NAP1L4: variants seen among roughly 807,000 people sequenced by gnomAD.
The protein encoded by NAP1L4 is nucleosome assembly protein 1-like 4.
In NAP1L4, 15 loss-of-function variants were observed where a neutral mutation model predicts 58.2. The ratio of observed to expected loss-of-function variants is 0.26; its 90% confidence interval spans 0.17 to 0.40. The LOEUF (loss-of-function observed/expected upper bound fraction) is 0.40, where lower values mean the gene tolerates loss of function less well. NAP1L4 is among the 10% of genes least tolerant of loss of function. NAP1L4 has a pLI of 1.00. For missense variants in NAP1L4, 384 were observed against 451.1 expected (o/e 0.85, Z 1.35); for synonymous variants, 171 against 155.6 (o/e 1.10, Z -0.74).
chr11:2,987,239 A>G (rs1394052528), intron 1 of NAP1L4, among the ~76,000 whole-genome samples: 1 of 151,512 alleles, frequency 6.6e-6, no homozygotes, highest in South Asian at 2.1e-4. Context: ...TATCATTACC[A>G]CTCTCCAGGA....
intron 4 of NAP1L4, among the ~76,000 whole-genome samples, chr11:2,973,000 A>G (rs538234107): frequency 1.3e-5 from 2 of 152,338 alleles, no homozygotes; most frequent in South Asian, 4.1e-4. Context: ...ATTTATCCTA[A>G]TCAAGTATTT....
chr11:2,963,098 C>CAAAAAAAAAAAAAAAAAA (rs55650724), intron 8 of NAP1L4, among the ~76,000 whole-genome samples: 2 of 97,086 alleles, frequency 2.1e-5, no homozygotes, highest in Non-Finnish European at 4.0e-5. Context: ...GACTCGGTCT[C>CAAAAAAAAAAAAAAAAAA]AAAAAAAAAA....
At position 2,945,527 on chromosome 11, in the gene NAP1L4, T is replaced by C; in HGVS notation, c.*152A>G. 5 of 1,234,166 alleles carry C rather than the reference T, an allele frequency of 4.1e-6. No individual in the cohort carries two copies. Among genetic ancestry groups the C allele is most frequent in the Non-Finnish European group, 5.7e-6 (5 of 882,340 alleles). The allele number at this position is 1,234,166 out of a possible 1,614,324, so 76.5% of individuals were successfully genotyped here. On this transcript the variant is annotated 3_prime_UTR_variant, in exon 16 of 16. Transcript: ENST00000380542. ...GATGGAGTAAGCTCTGTCCACGGGATTGTGCTGCGGCAAGGACCGAGGCCC... is the reference window on the plus strand; with the variant it reads ...GATGGAGTAAGCTCTGTCCACGGGACTGTGCTGCGGCAAGGACCGAGGCCC...
intron 1 of NAP1L4, among the ~76,000 whole-genome samples, chr11:2,986,873 C>T (rs965680390): frequency 1.1e-4 from 16 of 151,612 alleles, no homozygotes; most frequent in African/African-American, 3.6e-4. Context: ...AGGTGATCCA[C>T]CTGCCTCAAC....
chr11:2,984,294 C>G (rs1056856407), intron 1 of NAP1L4, among the ~76,000 whole-genome samples: 1 of 152,002 alleles, frequency 6.6e-6, no homozygotes, highest in African/African-American at 2.4e-5. Flanking sequence ...TAACAAAGGC[C>G]AGGTGTGGTG....
At chr11:2,985,497 A>C (rs1028507824) in intron 1 of NAP1L4, among the ~76,000 whole-genome samples, 5 of 152,238 alleles carry the variant, frequency 3.3e-5, no homozygotes, top group Non-Finnish European at 7.3e-5. Context: ...AAAGGCAATC[A>C]AGGGATCTAT....
chr11:2,958,610 A>C, intron 9 of NAP1L4, 66 bp from the exon 10 acceptor site: 22 of 1,532,804 alleles, frequency 1.4e-5, no homozygotes, highest in Non-Finnish European at 1.9e-5. Flanking sequence ...AAATGCATGC[A>C]GGAAGCAAAC....
At chr11:2,990,228 T>C (rs1047377029) in intron 1 of NAP1L4, 1 of 152,122 alleles carries the variant, frequency 6.6e-6, no homozygotes, top group Admixed American at 6.5e-5. Context: ...GGATATGTAA[T>C]AACAGCTATT....
chr11:2,964,893 AG>A, intron 7 of NAP1L4, 142 bp from the exon 8 acceptor site: 2 of 654,698 alleles, frequency 3.1e-6, no homozygotes, highest in Non-Finnish European at 5.3e-6. Flanking sequence ...AATAACTACC[AG>A]GAAGAAACCC....
chr11:2,955,088 A>AC lies in NAP1L4; in HGVS notation c.916-443_916-442insG, dbSNP rs1186546983. On this transcript the variant is annotated intron_variant, in intron 11 of 15. Transcript: ENST00000380542. The surrounding 1 kb of genome is among the most constrained non-coding windows in gnomAD (Gnocchi z 4.2). ...TTTTTTTTTTAAGAGACAGGGTCTT[A>AC]TTCTATCACCCAGGTTGGAGGGCAG... is the stretch of plus-strand genomic sequence containing the variant. Among the ~76,000 whole-genome samples the AC allele has an allele frequency of 1.3e-5, 2 of 151,946 alleles. No homozygotes were observed. Among genetic ancestry groups the AC allele is most frequent in the Non-Finnish European group, 2.9e-5 (2 of 67,978 alleles).
intron 10 of NAP1L4, among the ~76,000 whole-genome samples, chr11:2,956,087 C>A (rs1328865236): frequency 1.3e-5 from 2 of 152,222 alleles, no homozygotes; most frequent in African/African-American, 4.8e-5. Flanking sequence ...AGCCCCCAGG[C>A]TGTGGCCATT....
Position 2,969,884 on chromosome 11 carries a change from A to G in NAP1L4, c.453T>C (p.Ala151=). 1 of 1,613,914 alleles carries G rather than the reference A, an allele frequency of 6.2e-7. No individual in the cohort carries two copies. Among genetic ancestry groups the G allele is most frequent in the Non-Finnish European group, 8.5e-7 (1 of 1,179,840 alleles). Residue 151 remains alanine, a synonymous_variant, in exon 7 of 16, where the codon GCT becomes GCC. Coordinates refer to ENST00000380542, the MANE Select transcript of NAP1L4 (RefSeq NM_005969.4). ...VVVTEKAAAT[A]EEPDPKGIPE... is the part of the protein sequence containing the mutation. ...GAATTCCTTTGGGATCTGGCTCTTC[A>G]GCCGTTGCCGCTGCTTTTTCTGTGA... is the stretch of plus-strand genomic sequence containing the variant.
chr11:2,967,503 C>T (rs548097015), intron 7 of NAP1L4, among the ~76,000 whole-genome samples: 39 of 151,248 alleles, frequency 2.6e-4, no homozygotes, highest in Non-Finnish European at 5.4e-4. Context: ...CCCAGCTACT[C>T]GGGAGGCTGA....
chr11:2,958,176 T>G, intron 10 of NAP1L4: 1 of 687,958 alleles, frequency 1.5e-6, no homozygotes, highest in South Asian at 1.5e-5. Context: ...TTCCCTTTCC[T>G]GCAGAAGATG....
chr11:2,963,692 A>C, intron 8 of NAP1L4: 1 of 509,672 alleles, frequency 2.0e-6, no homozygotes, highest in South Asian at 1.4e-5. Flanking sequence ...GGGAGGAAGG[A>C]AGATACTGGT....
At chr11:2,977,659 C>A (rs1055501598) in intron 3 of NAP1L4, among the ~76,000 whole-genome samples, 1 of 151,852 alleles carries the variant, frequency 6.6e-6, no homozygotes, top group Non-Finnish European at 1.5e-5. Context: ...TGGTATTGCT[C>A]CAGTGTTAAG....
chr11:2,980,110 G>A (rs920224140), intron 1 of NAP1L4, among the ~76,000 whole-genome samples: 2 of 152,164 alleles, frequency 1.3e-5, no homozygotes, highest in Non-Finnish European at 2.9e-5. Context: ...AGAATTAGAT[G>A]ACATTGTAAC....
intron 1 of NAP1L4, among the ~76,000 whole-genome samples, chr11:2,985,085 A>G (rs1848544264): frequency 6.6e-6 from 1 of 152,256 alleles, no homozygotes; most frequent in African/African-American, 2.4e-5. Flanking sequence ...ACAATATTTT[A>G]AATAATTTTG....
chr11:2,947,524 GCA>G (rs1469197450), intron 15 of NAP1L4, among the ~76,000 whole-genome samples: 2 of 152,114 alleles, frequency 1.3e-5, no homozygotes, highest in East Asian at 3.9e-4. Context: ...TGCTCACACA[GCA>G]CACTGGAGCT....
Sources: gnomAD v4.1 joint callset for allele counts (sites outside exome capture counted in the v4.1 genomes callset) on GRCh38, gnomAD v4.1.1 for gene constraint, Gnocchi (gnomAD v3.1) non-coding constraint, MANE v1.5 for transcripts, NCBI Gene and HGNC (gene_info 2026-07-23, HGNC 2026-07-21) for gene names.